Variants in CSMD2 observed in about 807,000 individuals in gnomAD.
CSMD2 encodes the protein CUB and Sushi multiple domains 2.
In CSMD2, 130 loss-of-function variants were observed where a neutral mutation model predicts 398.5. The ratio of observed to expected loss-of-function variants is 0.33; its 90% CI spans 0.28 to 0.38. The LOEUF (loss-of-function observed/expected upper bound fraction) is 0.38. CSMD2 is among the 10% of genes least tolerant of loss of function. CSMD2 has a pLI of 1.00. For synonymous variants in CSMD2, 1,828 were observed against 1,908.5 expected (o/e 0.96, Z 1.10); for missense variants, 3,829 against 4,764.9 (o/e 0.80, Z 5.78).
chr1:33,627,188 C>T (rs921867082), intron 32 of CSMD2, among the ~76,000 whole-genome samples: 1 of 152,122 alleles, frequency 6.6e-6, no homozygotes, highest in Non-Finnish European at 1.5e-5. Context: ...CTGTCCCAGG[C>T]AAACCAGGAT....
chr1:33,969,850 C>T (rs543400853), intron 3 of CSMD2, among the ~76,000 whole-genome samples: 34 of 151,886 alleles, frequency 2.2e-4, no homozygotes, highest in Non-Finnish European at 4.1e-4. Flanking sequence ...TGGTGGCTCA[C>T]GCCTGTAATC....
intron 4 of CSMD2, among the ~76,000 whole-genome samples, chr1:33,920,542 C>CAAAAAAA (rs58865984): frequency 4.2e-4 from 35 of 84,228 alleles, no homozygotes; most frequent in African/African-American, 1.1e-3. Context: ...CAATCTGTCT[C>CAAAAAAA]AAAAAAAAAA....
chr1:33,689,638 C>G (rs1205337534), intron 25 of CSMD2, among the ~76,000 whole-genome samples: 2 of 152,182 alleles, frequency 1.3e-5, no homozygotes, highest in African/African-American at 4.8e-5. Flanking sequence ...ACACCTAGAT[C>G]TGCTCTGCTC....
At position 34,112,404 on chromosome 1, in the gene CSMD2, G is replaced by A. The variant is rs192809408; in HGVS notation, c.188-23211C>T. Among the ~76,000 whole-genome samples the A allele has an allele frequency of 2.4e-3, 371 of 152,206 alleles. 3 individuals are homozygous for A. The highest frequency in any genetic ancestry group is 8.2e-3 in the African/African-American group (342 of 41,528). ...CTATATAACTACCTGCTGTCCAACC[G>A]CCTCCACACTGCAGCAGACAGCTCT... On this transcript the variant is annotated intron_variant, in intron 1 of 70. Coordinates refer to ENST00000373381, the MANE Select transcript of CSMD2 (RefSeq NM_001281956.2).
chr1:34,153,565 C>T (rs1640526534), intron 1 of CSMD2, among the ~76,000 whole-genome samples: 1 of 152,212 alleles, frequency 6.6e-6, no homozygotes, highest in African/African-American at 2.4e-5. Context: ...GCCCATGTCC[C>T]CAGTGCTGCT....
At chr1:33,715,789 A>C (rs1646146567) in intron 20 of CSMD2, among the ~76,000 whole-genome samples, 2 of 152,196 alleles carry the variant, frequency 1.3e-5, no homozygotes. Context: ...ATGCCAAATA[A>C]AAGCACTTTC....
At chr1:33,836,165 C>G (rs1301046657) in intron 6 of CSMD2, among the ~76,000 whole-genome samples, 1 of 152,168 alleles carries the variant, frequency 6.6e-6, no homozygotes, top group Non-Finnish European at 1.5e-5. Flanking sequence ...GCAGCGAAGC[C>G]TGCAGAACAG....
At chr1:33,917,012 G>A (rs577002483) in intron 5 of CSMD2, among the ~76,000 whole-genome samples, 8 of 151,944 alleles carry the variant, frequency 5.3e-5, no homozygotes, top group Non-Finnish European at 1.2e-4. Flanking sequence ...GACTCTTGCA[G>A]ACACCCACTT....
intron 2 of CSMD2, among the ~76,000 whole-genome samples, chr1:34,049,189 G>T (rs1370103341): frequency 1.3e-5 from 2 of 152,160 alleles, no homozygotes; most frequent in African/African-American, 4.8e-5. Flanking sequence ...ATCGATATTT[G>T]CAGTTAATAG....
At chr1:33,611,303 A>C in intron 40 of CSMD2, 53 bp from the exon 41 acceptor site, 1 of 1,487,094 alleles carries the variant, frequency 6.7e-7, no homozygotes, top group African/African-American at 1.4e-5. Context: ...TCCTGCCTCA[A>C]GTGTGCTGCC....
chr1:33,572,977 CACAA>C (rs1231732749), intron 49 of CSMD2, among the ~76,000 whole-genome samples: 1 of 152,102 alleles, frequency 6.6e-6, no homozygotes, highest in Non-Finnish European at 1.5e-5. Context: ...CATCTGTTCC[CACAA>C]ACACAGTGTA....
chr1:33,935,975 AGAGACGGGTACCCCGTGAGCTGGG>A lies in CSMD2; in HGVS notation c.518-45_518-22del, dbSNP rs766471727. The A allele has an allele frequency of 3.1e-6, 5 of 1,592,112 alleles. No individual in the cohort carries two copies. In the South Asian group the frequency reaches 5.8e-5, roughly 18 times the overall value. On this transcript the variant is annotated intron_variant, in intron 3 of 70. Transcript: ENST00000373381. ...GAGAACTGTGAGGAGAAACAGAGAA[AGAGACGGGTACCCCGTGAGCTGGG>A]CTGGAGCCCTGACACCGGGCTTCCT...
Position 33,519,581 on chromosome 1 carries a change from C to T in CSMD2, c.10833G>A (p.Gln3611=), listed in dbSNP as rs1654063888. The change falls in exon 70 of 71, where the codon CAG becomes CAA. Residue 3611 remains glutamine, a synonymous_variant. Coordinates refer to ENST00000373381, the MANE Select transcript of CSMD2 (RefSeq NM_001281956.2). The surrounding 1 kb of genome is among the most constrained non-coding windows in gnomAD (Gnocchi z 5.6). The part of the protein sequence containing the change: ...FENPMYDRNI[Q]PTDIMASEAE... Reference sequence around the variant, plus strand: ...CCTCGCTGGCCATGATGTCTGTGGGCTGGATGTTGCGGTCGTACATTGGGT... The same window carrying T: ...CCTCGCTGGCCATGATGTCTGTGGGTTGGATGTTGCGGTCGTACATTGGGT... 3 of 1,614,094 alleles carry T rather than the reference C, an allele frequency of 1.9e-6. No homozygotes were observed. The highest frequency in any genetic ancestry group is 2.5e-6 in the Non-Finnish European group (3 of 1,180,010).
chr1:33,686,220 G>C (rs1645057982), intron 25 of CSMD2, among the ~76,000 whole-genome samples: 1 of 152,184 alleles, frequency 6.6e-6, no homozygotes, highest in Admixed American at 6.5e-5. Context: ...GTTTTCATCT[G>C]AGCTCGCCCA....
At chr1:33,548,376 C>T (rs1435182535) in intron 56 of CSMD2, among the ~76,000 whole-genome samples, 4 of 152,058 alleles carry the variant, frequency 2.6e-5, no homozygotes, top group Admixed American at 1.3e-4. Flanking sequence ...AACTATTTAC[C>T]GAAGAGGCAA....
intron 2 of CSMD2, among the ~76,000 whole-genome samples, chr1:34,073,456 T>C (rs1356644057): frequency 1.3e-5 from 2 of 152,194 alleles, no homozygotes; most frequent in African/African-American, 4.8e-5. Flanking sequence ...AATGAATCCT[T>C]ATTTAAAAAG....
At chr1:33,892,464 CA>C (rs1337419307) in intron 5 of CSMD2, among the ~76,000 whole-genome samples, 2 of 152,112 alleles carry the variant, frequency 1.3e-5, no homozygotes, top group Non-Finnish European at 2.9e-5. Context: ...TTTTACCCCT[CA>C]ACCCCCTCTC....
Position 33,846,922 on chromosome 1 carries a change from C to T in CSMD2, c.995G>A (p.Gly332Asp). The T allele has an allele frequency of 6.2e-7, 1 of 1,609,928 alleles. No homozygotes were observed. The highest frequency in any genetic ancestry group is 8.5e-7 in the Non-Finnish European group (1 of 1,177,726). The part of the protein sequence containing the change: ...NWLRLHFTSD[G>D]NHRQRGFSAQ... ...ACTGAATCCGCGCTGCCGGTGGTTG[C>T]CATCCGATGTGAAGTGCAGTCGCAG... The change falls in exon 6 of 71, where the codon GGC (glycine) becomes GAC (aspartate). Residue 332 changes from glycine (G) to aspartate (D), a missense_variant. By Grantham distance (94) the Gly-to-Asp change is moderately conservative (BLOSUM62 -1). Coordinates refer to ENST00000373381, the MANE Select transcript of CSMD2 (RefSeq NM_001281956.2).
intron 29 of CSMD2, among the ~76,000 whole-genome samples, chr1:33,638,476 T>C (rs1250305073): frequency 6.6e-6 from 1 of 152,182 alleles, no homozygotes; most frequent in South Asian, 2.1e-4. Flanking sequence ...ATAACAGAAC[T>C]CCAATTTTAT....
Sources: gnomAD v4.1 joint callset for allele counts (sites outside exome capture counted in the v4.1 genomes callset) on GRCh38, gnomAD v4.1.1 for gene constraint, Gnocchi (gnomAD v3.1) non-coding constraint, MANE v1.5 for transcripts, NCBI Gene and HGNC (gene_info 2026-07-23, HGNC 2026-07-21) for gene names.